Variants in VPS53 observed in about 807,000 individuals in gnomAD.
VPS53 encodes the protein vacuolar protein sorting-associated protein 53 homolog.
Under a neutral mutation model 107.0 loss-of-function variants are expected in VPS53, and 70 were observed. The observed-to-expected ratio is 0.65, with a 90% CI of 0.54 to 0.80. The LOEUF is 0.80. Among genes scored for constraint, VPS53 ranks in the 30% least tolerant of loss-of-function variants. VPS53 has a pLI of 0.00. For synonymous variants in VPS53, 409 were observed against 393.3 expected, an observed-to-expected ratio of 1.04 and a Z score of -0.47; for missense variants, 917 against 1,049.4, an observed-to-expected ratio of 0.87 and a Z score of 1.74.
chr17:574,060 G>A (rs934338143), intron 13 of VPS53, among the ~76,000 whole-genome samples: 2 of 152,130 alleles, frequency 1.3e-5, no homozygotes, highest in African/African-American at 2.4e-5. Flanking sequence ...CTTTAAAATG[G>A]TTAATAACGA....
intron 11 of VPS53, among the ~76,000 whole-genome samples, chr17:612,668 C>G: frequency 6.8e-6 from 1 of 147,012 alleles, no homozygotes; most frequent in Non-Finnish European, 1.5e-5. Flanking sequence ...ATATTCACAG[C>G]AGTATTCAAA....
intron 1 of VPS53, chr17:714,357 C>T: frequency 2.0e-6 from 1 of 512,774 alleles, no homozygotes; most frequent in Admixed American, 3.7e-5. Flanking sequence ...CTCCTAGCGT[C>T]GTCCTCTCTA....
chr17:653,220 G>A, intron 7 of VPS53, 71 bp downstream of exon 7: 1 of 1,586,580 alleles, frequency 6.3e-7, no homozygotes, highest in South Asian at 1.2e-5. Flanking sequence ...TCCCTCTGGT[G>A]ACAGTTTACC....
At chr17:551,566 C>CAT in intron 17 of VPS53, 1 of 163,494 alleles carries the variant, frequency 6.1e-6, no homozygotes. Context: ...GACCCTGTCT[C>CAT]TAAAAAAATA....
intron 2 of VPS53, among the ~76,000 whole-genome samples, chr17:702,788 G>C (rs1671891306): frequency 6.6e-6 from 1 of 152,344 alleles, no homozygotes; most frequent in East Asian, 1.9e-4. Context: ...AAAGGGAAAG[G>C]CTGCTAGCAT....
intron 6 of VPS53, among the ~76,000 whole-genome samples, chr17:655,327 G>A (rs1157035827): frequency 9.5e-5 from 1 of 10,564 alleles, no homozygotes; most frequent in African/African-American, 2.6e-4. Context: ...AAAAAAAGTG[G>A]TTTGAATGAT....
intron 10 of VPS53, 143 bp from the exon 11 acceptor site, chr17:623,817 T>A: frequency 1.1e-6 from 1 of 875,724 alleles, no homozygotes; most frequent in Non-Finnish European, 1.6e-6. Context: ...CACCTTAGTC[T>A]AAAACCTGGG....
At chr17:655,018 C>T (rs1971129547) in intron 6 of VPS53, among the ~76,000 whole-genome samples, 1 of 152,134 alleles carries the variant, frequency 6.6e-6, no homozygotes, top group Non-Finnish European at 1.5e-5. Flanking sequence ...AGGGGCCCGC[C>T]CCTCCTCCTC....
At chr17:648,072 A>T (rs1431932767) in intron 7 of VPS53, among the ~76,000 whole-genome samples, 2 of 152,154 alleles carry the variant, frequency 1.3e-5, no homozygotes, top group South Asian at 2.1e-4. Context: ...AAGACCAGGG[A>T]GCCTCCAAGC....
chr17:627,967 G>T, intron 9 of VPS53, 121 bp downstream of exon 9: 1 of 1,024,910 alleles, frequency 9.8e-7, no homozygotes, highest in Non-Finnish European at 1.4e-6. Flanking sequence ...AGGACTCACA[G>T]CTCAACAACC....
chr17:605,358 G>GT (rs957635768), intron 11 of VPS53, among the ~76,000 whole-genome samples: 20 of 152,034 alleles, frequency 1.3e-4, no homozygotes, highest in Non-Finnish European at 2.6e-4. Context: ...GCTGAGCTGA[G>GT]TAAGAAGGAA....
chr17:527,454 C>T (rs1298222425), intron 19 of VPS53, among the ~76,000 whole-genome samples: 1 of 152,206 alleles, frequency 6.6e-6, no homozygotes, highest in African/African-American at 2.4e-5. Context: ...AGGGTGGAAG[C>T]TACTCAAGAG....
At chr17:628,291 T>C in intron 8 of VPS53, 60 bp from the exon 9 acceptor site, 1 of 1,583,308 alleles carries the variant, frequency 6.3e-7, no homozygotes, top group Non-Finnish European at 8.6e-7. Context: ...CCTCATGGCT[T>C]CTCACAGCCA....
At chr17:627,152 C>T (rs1479557601) in intron 10 of VPS53, 22 bp downstream of exon 10, 2 of 1,606,068 alleles carry the variant, frequency 1.2e-6, no homozygotes, top group Non-Finnish European at 1.7e-6. Flanking sequence ...AACCACAGAA[C>T]CAGTAGAGAA....
intron 1 of VPS53, among the ~76,000 whole-genome samples, chr17:711,817 A>ATTT (rs11375713): frequency 2.8e-5 from 4 of 142,502 alleles, no homozygotes; most frequent in Non-Finnish European, 1.5e-5. Flanking sequence ...TTCATGGGCA[A>ATTT]TTTTTTTTTT....
intron 8 of VPS53, 85 bp from the exon 9 acceptor site, chr17:628,316 T>G: frequency 2.1e-5 from 32 of 1,508,572 alleles, no homozygotes; most frequent in Non-Finnish European, 2.9e-5. Context: ...TTGTTATCTC[T>G]ACGCATTGTC....
chr17:686,967 C>G (rs527417523), intron 4 of VPS53, among the ~76,000 whole-genome samples: 1 of 141,660 alleles, frequency 7.1e-6, no homozygotes, highest in Non-Finnish European at 1.6e-5. Flanking sequence ...GGCAACATAG[C>G]GAGACCTCAT....
At chr17:537,328 C>T (rs1910168513) in intron 17 of VPS53, 152 bp from the exon 18 acceptor site, 1 of 815,510 alleles carries the variant, frequency 1.2e-6, no homozygotes, top group East Asian at 2.7e-5. Context: ...CTTATTCGTT[C>T]TGTAGGGACT....
chr17:523,726 TG>T (rs1158837721), intron 19 of VPS53, among the ~76,000 whole-genome samples: 1 of 152,236 alleles, frequency 6.6e-6, no homozygotes, highest in Non-Finnish European at 1.5e-5. Context: ...GCCAGCAAAG[TG>T]CAGGGCATTT....
Sources: gnomAD v4.1 joint callset for allele counts (sites outside exome capture counted in the v4.1 genomes callset) on GRCh38, gnomAD v4.1.1 for gene constraint, MANE v1.5 for transcripts, NCBI Gene and HGNC (gene_info 2026-07-23, HGNC 2026-07-21) for gene names.